The following GRID2IP variants were observed in gnomAD, a reference collection of about 807,000 sequenced individuals.
The protein encoded by GRID2IP is Grid2 interacting protein.
GRID2IP carries 78 observed loss-of-function variants against 114.3 expected under a neutral mutation model. The ratio of observed to expected loss-of-function variants is 0.68; its 90% CI spans 0.57 to 0.82. GRID2IP has a LOEUF of 0.82. GRID2IP is among the 40% of genes least tolerant of loss of function. GRID2IP has a pLI of 0.00. For synonymous variants in GRID2IP, 809 were observed against 724.0 expected, an observed-to-expected ratio of 1.12 and a Z score of -1.89; for missense variants, 1,727 against 1,678.5, an observed-to-expected ratio of 1.03 and a Z score of -0.51.
intron 4 of GRID2IP, among the ~76,000 whole-genome samples, chr7:6,522,263 G>A (rs573056302): frequency 6.6e-5 from 10 of 152,124 alleles, no homozygotes; most frequent in Non-Finnish European, 1.3e-4. Context: ...CCCTGTAATA[G>A]ACTCTGCACG....
At chr7:6,527,253 C>T (rs979424290) in intron 2 of GRID2IP, among the ~76,000 whole-genome samples, 1 of 152,188 alleles carries the variant, frequency 6.6e-6, no homozygotes, top group African/African-American at 2.4e-5. Flanking sequence ...GCTTGCTTCT[C>T]TGTCCAGGCC....
intron 1 of GRID2IP, 70 bp downstream of exon 1, chr7:6,550,938 C>A: frequency 8.4e-7 from 1 of 1,195,730 alleles, no homozygotes. Context: ...GAGAGCGGCG[C>A]CCGGCCCACT....
rs1170332758 is a variant in GRID2IP, at chr7:6,496,856, A to G, written c.*918T>C. ...CACACACCCTCCCTCCCTGCCCACC[A>G]CGCCACCTGCTCCTGCTCCTGGTAT... On this transcript the variant is annotated 3_prime_UTR_variant, in exon 22 of 22. Transcript: ENST00000457091. 6.6e-6 allele frequency among the ~76,000 whole-genome samples: 1 copy of G among 151,494 alleles called. No individual in the cohort carries two copies. The highest frequency in any genetic ancestry group is 1.5e-5 in the Non-Finnish European group (1 of 67,900).
At position 6,497,691 on chromosome 7, in the gene GRID2IP, G is replaced by A. The variant is rs1583329097; in HGVS notation, c.*83C>T. ...TGTGCTCAGAGCCCGGGGCACAGTG[G>A]CCCCGGACCTCGGCAGTGTCTGGGC... On this transcript the variant is annotated 3_prime_UTR_variant, in exon 22 of 22. Coordinates refer to ENST00000457091, the MANE Select transcript of GRID2IP (RefSeq NM_001145118.2). 2.0e-6 allele frequency: 2 copies of A among 1,024,440 alleles called. No homozygotes were observed. The highest frequency in any genetic ancestry group is 2.8e-6 in the Non-Finnish European group (2 of 702,092). The allele number at this position is 1,024,440 out of a possible 1,614,324, so 63.5% of individuals were successfully genotyped here.
At position 6,551,074 on chromosome 7, in the gene GRID2IP, G is replaced by C. The variant is rs1234729968; in HGVS notation, c.363C>G (p.Ala121=). 2 of 1,309,742 alleles carry C rather than the reference G, an allele frequency of 1.5e-6. No homozygotes were observed. Among genetic ancestry groups the C allele is most frequent in the Non-Finnish European group, 1.9e-6 (2 of 1,033,082 alleles). 81.1% of individuals were successfully genotyped at this position (1,309,742 alleles called of 1,614,324 possible). A position where few individuals can be genotyped will look rare whatever the true frequency, so the allele number is the denominator to read the frequency against. The stretch of plus-strand genomic sequence containing the variant: ...GCACCGCGTCCGGGCGCTTGCGGCC[G>C]GCCAGGCGAAGCAGCTCACGGCCCA... ...LALGRELLRL[A]GRKRPDAVHR... Residue 121 remains alanine (A), a synonymous_variant, in exon 1 of 22, where the codon GCC becomes GCG. Coordinates refer to ENST00000457091, the MANE Select transcript of GRID2IP (RefSeq NM_001145118.2).
At chr7:6,547,412 G>C (rs1012837886) in intron 1 of GRID2IP, among the ~76,000 whole-genome samples, 1 of 151,722 alleles carries the variant, frequency 6.6e-6, no homozygotes, top group African/African-American at 2.4e-5. Flanking sequence ...GCCAGGTGTG[G>C]TGGTGCACAC....
At chr7:6,538,372 AAACAAAACAAAAC>A (rs1438733553) in intron 2 of GRID2IP, among the ~76,000 whole-genome samples, 2 of 53,418 alleles carry the variant, frequency 3.7e-5, no homozygotes, top group Non-Finnish European at 8.2e-5. Context: ...TCTCAAAACA[AAACAAAACAAAAC>A]AAAACAAAAC....
chr7:6,498,335 GTCCT>G lies in GRID2IP; in HGVS notation c.3400-111_3400-108del, dbSNP rs1562509260. The G allele has an allele frequency of 3.7e-6, 4 of 1,074,728 alleles. No individual in the cohort carries two copies. In the East Asian group the frequency reaches 1.0e-4, roughly 28 times the overall value. The allele number at this position is 1,074,728 out of a possible 1,614,324, so 66.6% of individuals were successfully genotyped here. On this transcript the variant is annotated intron_variant, in intron 20 of 21. Transcript: ENST00000457091. ...GCAGCCCTATTCCCGGTTGGCCTGA[GTCCT>G]TCCAAGGGCCAGGCCCTGTGTCCAA...
chr7:6,534,838 C>T lies in GRID2IP; in HGVS notation c.584+4880G>A, dbSNP rs550094560. ...CAAGCGATTCTTCTGCTTCAGCCTC[C>T]CAAAGTAGCTGGGATTACTGGCAAC... On this transcript the variant is annotated intron_variant, in intron 2 of 21. Transcript: ENST00000457091. The surrounding 1 kb of genome is among the most constrained non-coding windows in gnomAD (Gnocchi z 4.5). 6.6e-6 allele frequency among the ~76,000 whole-genome samples: 1 copy of T among 152,290 alleles called. No homozygotes were observed. The highest frequency in any genetic ancestry group is 6.5e-5 in the Admixed American group (1 of 15,288).
intron 20 of GRID2IP, among the ~76,000 whole-genome samples, chr7:6,501,220 G>A (rs1055980431): frequency 6.6e-6 from 1 of 152,128 alleles, no homozygotes; most frequent in African/African-American, 2.4e-5. Context: ...GTGTGGTGGT[G>A]GGTGCCTGTA....
chr7:6,514,257 ACAAACAAACAAG>A (rs1484168960), intron 8 of GRID2IP, 106 bp downstream of exon 8: 31 of 1,016,552 alleles, frequency 3.0e-5, no homozygotes, highest in Non-Finnish European at 3.9e-5. Context: ...CCATTTCAAA[ACAAACAAACAAG>A]CAAACAAACA....
rs1017195666 is a variant in GRID2IP, at chr7:6,532,591, C to T, written c.585-5822G>A. Among the ~76,000 whole-genome samples the T allele has an allele frequency of 5.3e-5, 8 of 152,170 alleles. No individual in the cohort carries two copies. The South Asian group carries it at 1.0e-3, about 20-fold the overall frequency. The stretch of plus-strand genomic sequence containing the variant: ...AACTGGAGCCAGTGCCCACTCATGC[C>T]GTGCCCTCCCCAAGCCCTGTCCTCA... On this transcript the variant is annotated intron_variant, in intron 2 of 21. Transcript: ENST00000457091. This position sits in a 1 kb window ranked among gnomAD's most constrained non-coding sequence, Gnocchi z 4.4.
In GRID2IP at chr7:6,510,715, G is replaced by A. The variant is rs1358208104; in HGVS notation, c.1556-9C>T. The stretch of plus-strand genomic sequence containing the variant: ...AGGGCACTCGCTGGGACCTACCGGG[G>A]AATAATGTCATTACCGTATCTGAGC... On this transcript the variant is annotated splice_polypyrimidine_tract_variant and intron_variant, in intron 9 of 21. Coordinates refer to ENST00000457091, the MANE Select transcript of GRID2IP (RefSeq NM_001145118.2). The A allele has an allele frequency of 3.2e-6, 5 of 1,546,656 alleles. No homozygotes were observed. The highest frequency in any genetic ancestry group is 4.4e-6 in the Non-Finnish European group (5 of 1,143,936).
chr7:6,509,405 C>A lies in GRID2IP; in HGVS notation c.1772-92G>T, dbSNP rs992154858. 33 of 1,179,380 alleles carry A rather than the reference C, an allele frequency of 2.8e-5. No homozygotes were observed. Among genetic ancestry groups the A allele is most frequent in the Non-Finnish European group, 3.8e-5 (33 of 874,846 alleles). 73.1% of individuals were successfully genotyped at this position (1,179,380 alleles called of 1,614,324 possible). A position where few individuals can be genotyped will look rare whatever the true frequency, so the allele number is the denominator to read the frequency against. On this transcript the variant is annotated intron_variant, in intron 11 of 21. Transcript: ENST00000457091. This position sits in a 1 kb window ranked among gnomAD's most constrained non-coding sequence, Gnocchi z 4.9. ...GAGAGGGTCCTAGGACAGACTGGCT[C>A]TGTGTCCCAGGCCACTCTCCTTTCC...
At chr7:6,548,567 G>T (rs922810183) in intron 1 of GRID2IP, among the ~76,000 whole-genome samples, 1 of 152,106 alleles carries the variant, frequency 6.6e-6, no homozygotes, top group Non-Finnish European at 1.5e-5. Flanking sequence ...GCCAGATGCG[G>T]TGGCTCACGC....
chr7:6,503,200 TTCC>T, intron 16 of GRID2IP, 37 bp from the exon 17 acceptor site: 1 of 1,451,816 alleles, frequency 6.9e-7, no homozygotes, highest in Non-Finnish European at 9.1e-7. Context: ...ACCCATCCCC[TTCC>T]TGGGACCCTC....
At position 6,514,530 on chromosome 7, in the gene GRID2IP, C is replaced by A; in HGVS notation, c.1269-1G>T. On this transcript the variant is annotated splice_acceptor_variant, in intron 7 of 21. Transcript: ENST00000457091. LOFTEE classifies it high-confidence loss of function. ...GTCAACGATGAGGGTGTCGATGTTC[C>A]TGGGGGAAGGTGCAGGAATGTGAGG... 6.6e-7 allele frequency: 1 copy of A among 1,515,438 alleles called. No homozygotes were observed. Among genetic ancestry groups the A allele is most frequent in the South Asian group, 1.2e-5 (1 of 81,290 alleles). 93.9% of individuals were successfully genotyped at this position (1,515,438 alleles called of 1,614,324 possible).
chr7:6,508,912 A>G lies in GRID2IP; in HGVS notation c.2127+46T>C, dbSNP rs754493846. ...GAACACTGTTGCCTTGCAGACCGCCACACCTCGCCTCACCCGCCTCCCTCC... is the reference window on the plus strand; with the variant it reads ...GAACACTGTTGCCTTGCAGACCGCCGCACCTCGCCTCACCCGCCTCCCTCC... On this transcript the variant is annotated intron_variant, in intron 12 of 21. Coordinates refer to ENST00000457091, the MANE Select transcript of GRID2IP (RefSeq NM_001145118.2). This position sits in a 1 kb window ranked among gnomAD's most constrained non-coding sequence, Gnocchi z 5.6. The G allele has an allele frequency of 2.0e-6, 3 of 1,519,008 alleles. No individual in the cohort carries two copies. Among genetic ancestry groups the G allele is most frequent in the Non-Finnish European group, 1.8e-6 (2 of 1,136,802 alleles). The allele number at this position is 1,519,008 out of a possible 1,614,324, so 94.1% of individuals were successfully genotyped here. A position where few individuals can be genotyped will look rare whatever the true frequency, so the allele number is the denominator to read the frequency against.
Position 6,536,875 on chromosome 7 carries a change from C to T in GRID2IP, c.584+2843G>A. The stretch of plus-strand genomic sequence containing the variant: ...CCTCTTTCGGTGGTGGTCGCCTATG[C>T]TCCGCTGCAGAGCCGAGAGCTGCGC... On this transcript the variant is annotated intron_variant, in intron 2 of 21. Coordinates refer to ENST00000457091, the MANE Select transcript of GRID2IP (RefSeq NM_001145118.2). This position sits in a 1 kb window ranked among gnomAD's most constrained non-coding sequence, Gnocchi z 5.3. 1 of 620,802 alleles carries T rather than the reference C, an allele frequency of 1.6e-6. No individual in the cohort carries two copies. The highest frequency in any genetic ancestry group is 3.0e-6 in the Non-Finnish European group (1 of 333,878). 38.5% of individuals were successfully genotyped at this position (620,802 alleles called of 1,614,324 possible).
Sources: allele counts gnomAD v4.1 joint callset (sites outside exome capture counted in the v4.1 genomes callset), GRCh38; gene constraint gnomAD v4.1.1; non-coding constraint Gnocchi (gnomAD v3.1); transcripts MANE v1.5; gene names NCBI Gene and HGNC (gene_info 2026-07-23, HGNC 2026-07-21).